Variants in TNS3 observed in about 807,000 individuals in gnomAD.
TNS3 encodes tensin 3, also known as tensin-3.
TNS3 carries 45 observed loss-of-function variants against 140.9 expected under a neutral mutation model. That is an observed-to-expected ratio of 0.32 (90% CI 0.25 to 0.41). The LOEUF (loss-of-function observed/expected upper bound fraction) is 0.41, where lower values mean the gene tolerates loss of function less well. Among genes scored for constraint, TNS3 ranks in the 10% least tolerant of loss-of-function variants. TNS3 has a pLI of 1.00. For missense variants in TNS3, 1,716 were observed against 1,906.7 expected, an observed-to-expected ratio of 0.90 and a Z score of 1.86; for synonymous variants, 815 against 788.4, an observed-to-expected ratio of 1.03 and a Z score of -0.56.
chr7:47,415,989 C>T (rs778984811), intron 10 of TNS3, among the ~76,000 whole-genome samples: 13 of 152,242 alleles, frequency 8.5e-5, no homozygotes, highest in Admixed American at 2.0e-4. Context: ...AGCTCTCTGA[C>T]GCTTCCCTGG....
chr7:47,379,155 G>A (rs1791596239), intron 16 of TNS3, among the ~76,000 whole-genome samples: 1 of 152,166 alleles, frequency 6.6e-6, no homozygotes, highest in South Asian at 2.1e-4. Flanking sequence ...GGTACGGGTA[G>A]CCCGGGCAGT....
At chr7:47,413,871 G>A in intron 12 of TNS3, 66 bp downstream of exon 12, 1 of 1,567,358 alleles carries the variant, frequency 6.4e-7, no homozygotes, top group Non-Finnish European at 8.8e-7. Context: ...GGCAGCTGAG[G>A]GTCAGCTGCA....
At chr7:47,381,153 C>T (rs1417331659) in intron 16 of TNS3, among the ~76,000 whole-genome samples, 4 of 152,194 alleles carry the variant, frequency 2.6e-5, no homozygotes, top group Non-Finnish European at 5.9e-5. Context: ...TCTGAACTGA[C>T]GTCCAGGAGC....
At chr7:47,498,804 C>T (rs1388143437) in intron 3 of TNS3, among the ~76,000 whole-genome samples, 1 of 152,224 alleles carries the variant, frequency 6.6e-6, no homozygotes, top group Non-Finnish European at 1.5e-5. Context: ...GACCTGTTTC[C>T]TCTGGTGTAA....
chr7:47,497,342 G>A (rs1375285469), intron 3 of TNS3, among the ~76,000 whole-genome samples: 1 of 152,088 alleles, frequency 6.6e-6, no homozygotes, highest in Non-Finnish European at 1.5e-5. Flanking sequence ...ATTAAAAGGG[G>A]AAAAGAGCAC....
chr7:47,502,258 C>T (rs953961597), intron 3 of TNS3, among the ~76,000 whole-genome samples: 2 of 152,270 alleles, frequency 1.3e-5, no homozygotes, highest in East Asian at 3.9e-4. Context: ...ACCCAGCAGG[C>T]CCGTATCCCA....
chr7:47,352,507 C>T (rs1447913472), intron 17 of TNS3, among the ~76,000 whole-genome samples: 1 of 152,226 alleles, frequency 6.6e-6, no homozygotes, highest in Non-Finnish European at 1.5e-5. Context: ...ACTGGCCCCA[C>T]CTCATCACCC....
chr7:47,581,813 C>T (rs1383343237), intron 1 of TNS3, among the ~76,000 whole-genome samples: 2 of 151,930 alleles, frequency 1.3e-5, no homozygotes, highest in Non-Finnish European at 2.9e-5. Flanking sequence ...CAACCGGGTC[C>T]CCGCGCTCCC....
intron 20 of TNS3, among the ~76,000 whole-genome samples, chr7:47,320,695 C>G (rs1292310439): frequency 6.6e-6 from 1 of 152,098 alleles, no homozygotes; most frequent in Non-Finnish European, 1.5e-5. Flanking sequence ...TTTCACCAGT[C>G]ACCACTGTAA....
At chr7:47,366,813 T>C (rs577690144) in intron 17 of TNS3, among the ~76,000 whole-genome samples, 4 of 152,278 alleles carry the variant, frequency 2.6e-5, no homozygotes, top group African/African-American at 9.6e-5. Context: ...GCCGGGGTGC[T>C]TAGGACGATG....
intron 1 of TNS3, among the ~76,000 whole-genome samples, chr7:47,543,599 C>T (rs760800206): frequency 6.6e-6 from 1 of 152,240 alleles, no homozygotes; most frequent in Non-Finnish European, 1.5e-5. Flanking sequence ...GAGTTACCCA[C>T]TCGGGTGGAA....
intron 16 of TNS3, among the ~76,000 whole-genome samples, chr7:47,392,182 C>T (rs1015430420): frequency 7.3e-6 from 1 of 137,076 alleles, no homozygotes; most frequent in African/African-American, 2.4e-5. Flanking sequence ...GACACGACTG[C>T]CGTCCCCCGC....
chr7:47,442,153 A>G (rs1795496885), intron 4 of TNS3, 98 bp from the exon 5 acceptor site: 1 of 738,580 alleles, frequency 1.4e-6, no homozygotes, highest in Admixed American at 3.7e-5. Flanking sequence ...GCCGTTCCAC[A>G]GTTTAATCAT....
intron 4 of TNS3, chr7:47,453,092 C>T: frequency 2.0e-6 from 2 of 985,642 alleles, no homozygotes; most frequent in African/African-American, 3.5e-5. Context: ...TGGAATAGCC[C>T]ACCAGGTGGG....
At chr7:47,304,435 C>G (rs1786621181) in intron 21 of TNS3, among the ~76,000 whole-genome samples, 1 of 152,172 alleles carries the variant, frequency 6.6e-6, no homozygotes, top group African/African-American at 2.4e-5. Context: ...CATAAAGAAA[C>G]TTATTCCTAC....
At chr7:47,424,058 T>C in intron 10 of TNS3, 43 bp downstream of exon 10, 1 of 1,591,374 alleles carries the variant, frequency 6.3e-7, no homozygotes, top group Non-Finnish European at 8.6e-7. Context: ...ATATGTAAAA[T>C]TTCATTCACC....
At chr7:47,488,426 G>A (rs527709082) in intron 3 of TNS3, among the ~76,000 whole-genome samples, 1 of 152,292 alleles carries the variant, frequency 6.6e-6, no homozygotes, top group Non-Finnish European at 1.5e-5. Flanking sequence ...CTAGGAGGCT[G>A]AGATGAAGAT....
At position 47,396,884 on chromosome 7, in the gene TNS3, C is replaced by T. The variant is rs371705437; in HGVS notation, c.940G>A (p.Asp314Asn). 2.0e-5 allele frequency: 32 copies of T among 1,614,072 alleles called. No homozygotes were observed. The African/African-American group carries it at 2.3e-4, about 11-fold the overall frequency. ...TTGTAGTCCACAATCACACCGTGGT[C>T]GTTGTACAAGTGTTCGGACCCTGCA... ...KIQGSEHLYNDHGVIVDYNTT... is the reference protein window; with the variant it reads ...KIQGSEHLYNNHGVIVDYNTT... Residue 314 changes from aspartate (D) to asparagine (N), a missense_variant, in exon 16 of 31, where the codon GAC (aspartate) becomes AAC (asparagine). Transcript: ENST00000311160.
chr7:47,360,856 AAC>A (rs1356220924), intron 17 of TNS3, among the ~76,000 whole-genome samples: 1 of 152,182 alleles, frequency 6.6e-6, no homozygotes, highest in Non-Finnish European at 1.5e-5. Context: ...GCTCAGTTAT[AAC>A]ACACAGTACG....
Sources: gnomAD v4.1 joint callset for allele counts (sites outside exome capture counted in the v4.1 genomes callset) on GRCh38, gnomAD v4.1.1 for gene constraint, MANE v1.5 for transcripts, NCBI Gene and HGNC (gene_info 2026-07-23, HGNC 2026-07-21) for gene names.